Variants in SLC35F1 observed in about 807,000 individuals in gnomAD.
The protein encoded by SLC35F1 is chromosome 6 open reading frame 169.
SLC35F1 carries 14 observed loss-of-function variants against 48.7 expected under a neutral mutation model. The ratio of observed to expected loss-of-function variants is 0.29; its 90% confidence interval spans 0.19 to 0.45. The LOEUF (loss-of-function observed/expected upper bound fraction) is 0.45. Among genes scored for constraint, SLC35F1 ranks in the 20% least tolerant of loss-of-function variants. SLC35F1 has a pLI of 1.00. For synonymous variants in SLC35F1, 190 were observed against 202.2 expected (o/e 0.94, Z 0.51); for missense variants, 404 against 500.0 (o/e 0.81, Z 1.83).
chr6:118,135,105 T>C (rs908251301), intron 1 of SLC35F1, among the ~76,000 whole-genome samples: 2 of 152,186 alleles, frequency 1.3e-5, no homozygotes, highest in African/African-American at 4.8e-5. Flanking sequence ...TCTATACTTC[T>C]GAAATAAGGC....
chr6:118,110,590 G>A (rs987228288), intron 1 of SLC35F1, among the ~76,000 whole-genome samples: 1 of 152,184 alleles, frequency 6.6e-6, no homozygotes. Context: ...GGTCTTATAC[G>A]TTTAGGAATT....
intron 1 of SLC35F1, among the ~76,000 whole-genome samples, chr6:118,053,888 G>A (rs892905287): frequency 3.3e-5 from 5 of 152,050 alleles, no homozygotes; most frequent in African/African-American, 1.2e-4. Flanking sequence ...GATACATATT[G>A]CCATATTATT....
intron 3 of SLC35F1, among the ~76,000 whole-genome samples, chr6:118,239,080 C>A (rs1430908641): frequency 2.0e-5 from 3 of 151,664 alleles, no homozygotes; most frequent in African/African-American, 7.3e-5. Context: ...TCTCTCTCGT[C>A]TCCCGAGGTG....
chr6:118,157,320 A>G (rs1358308123), intron 2 of SLC35F1, among the ~76,000 whole-genome samples: 1 of 152,086 alleles, frequency 6.6e-6, no homozygotes, highest in Non-Finnish European at 1.5e-5. Flanking sequence ...GAATTTCAAA[A>G]CCCTGAATAG....
chr6:117,924,493 C>CATATATGTACAT, intron 1 of SLC35F1, among the ~76,000 whole-genome samples: 1 of 22,976 alleles, frequency 4.4e-5, no homozygotes, highest in African/African-American at 7.8e-5. Context: ...TACGTATATA[C>CATATATGTACAT]ATATGTATAT....
chr6:117,949,151 T>C (rs995451385), intron 1 of SLC35F1, among the ~76,000 whole-genome samples: 1 of 152,148 alleles, frequency 6.6e-6, no homozygotes, highest in Non-Finnish European at 1.5e-5. Flanking sequence ...ATGGAAAGAT[T>C]GAGTGGTTTT....
chr6:118,173,540 T>C (rs1324503557), intron 2 of SLC35F1, among the ~76,000 whole-genome samples: 1 of 152,140 alleles, frequency 6.6e-6, no homozygotes, highest in Non-Finnish European at 1.5e-5. Context: ...CTTCACCTAG[T>C]GCTGGGCATG....
At chr6:117,908,047 C>A in intron 1 of SLC35F1, 148 bp downstream of exon 1, 1 of 821,228 alleles carries the variant, frequency 1.2e-6, no homozygotes, top group Non-Finnish European at 1.6e-6. Flanking sequence ...CGACGCGCTC[C>A]GCGGGCGCAG....
intron 1 of SLC35F1, among the ~76,000 whole-genome samples, chr6:117,960,468 A>G (rs1241660677): frequency 1.3e-5 from 2 of 152,002 alleles, no homozygotes; most frequent in Non-Finnish European, 2.9e-5. Context: ...CTAAAGAATC[A>G]GGGGGAGGAT....
chr6:118,034,167 G>A (rs946173742), intron 1 of SLC35F1, among the ~76,000 whole-genome samples: 1 of 151,978 alleles, frequency 6.6e-6, no homozygotes, highest in Non-Finnish European at 1.5e-5. Flanking sequence ...AATATTTTAG[G>A]CTTTGTGGGC....
chr6:118,104,336 C>G (rs1446653481), intron 1 of SLC35F1, among the ~76,000 whole-genome samples: 2 of 152,114 alleles, frequency 1.3e-5, no homozygotes, highest in Non-Finnish European at 2.9e-5. Context: ...CATTTGTTAA[C>G]TACAAGATCC....
Position 118,314,329 on chromosome 6 carries a change from A to ATG in SLC35F1, c.*77_*78insTG. 2 of 1,328,820 alleles carry ATG rather than the reference A, an allele frequency of 1.5e-6. No individual in the cohort carries two copies. The highest frequency in any genetic ancestry group is 1.1e-6 in the Non-Finnish European group (1 of 939,124). 82.3% of individuals were successfully genotyped at this position (1,328,820 alleles called of 1,614,324 possible). On this transcript the variant is annotated 3_prime_UTR_variant, in exon 8 of 8. Transcript: ENST00000360388. ...CATCATCTCTGTATTGTACATAGAG[A>ATG]AAGGTATTTACTAGGTGCAGTTTAC...
At chr6:118,272,701 C>T (rs1006019062) in intron 4 of SLC35F1, among the ~76,000 whole-genome samples, 5 of 146,772 alleles carry the variant, frequency 3.4e-5, no homozygotes, top group African/African-American at 1.3e-4. Flanking sequence ...CTCATTAAAA[C>T]ATATTCTCCC....
chr6:118,248,991 A>C (rs1051881133), intron 3 of SLC35F1, among the ~76,000 whole-genome samples: 6 of 152,198 alleles, frequency 3.9e-5, no homozygotes, highest in African/African-American at 1.4e-4. Context: ...GCCCTTTACC[A>C]TGCACGCGAG....
Position 118,173,788 on chromosome 6 carries a change from C to T in SLC35F1, c.349+19168C>T, listed in dbSNP as rs148794365. On this transcript the variant is annotated intron_variant, in intron 2 of 7. Transcript: ENST00000360388. ...AGAAAGAGAGAGAATTCCATAGGTG[C>T]AGAAACCCTGGTACAGGACTGGAGA... Among the ~76,000 whole-genome samples the T allele has an allele frequency of 4.0e-4, 61 of 152,208 alleles. 1 individual carries two copies. In the East Asian group the frequency reaches 0.012, roughly 29 times the overall value.
chr6:117,923,700 C>CACATATACATATGTATATGT (rs1562238817), intron 1 of SLC35F1, among the ~76,000 whole-genome samples: 1 of 5,830 alleles, frequency 1.7e-4, no homozygotes, highest in Non-Finnish European at 3.4e-4. Flanking sequence ...TGTACATATA[C>CACATATACATATGTATATGT]ATATATGTAC....
intron 1 of SLC35F1, among the ~76,000 whole-genome samples, chr6:118,021,288 G>A (rs1582623275): frequency 6.6e-6 from 1 of 152,180 alleles, no homozygotes; most frequent in South Asian, 2.1e-4. Flanking sequence ...CCATGATGCT[G>A]TAGACTGGTA....
rs1015781962 is a variant in SLC35F1 at position 118,315,191 on chromosome 6, T to A, written c.*939T>A. 6 of 152,646 alleles carry A rather than the reference T, an allele frequency of 3.9e-5. No homozygotes were observed. Among genetic ancestry groups the A allele is most frequent in the Admixed American group, 2.0e-4 (3 of 15,290 alleles). 9.5% of individuals were successfully genotyped at this position (152,646 alleles called of 1,614,324 possible). ...AAGGCACTGGAAAAAGCCATGGTCC[T>A]CTGCCCTTTTAATTCTGTGACACCT... On this transcript the variant is annotated 3_prime_UTR_variant, in exon 8 of 8. Transcript: ENST00000360388.
At chr6:118,198,880 G>T (rs1774836358) in intron 2 of SLC35F1, among the ~76,000 whole-genome samples, 1 of 152,188 alleles carries the variant, frequency 6.6e-6, no homozygotes, top group South Asian at 2.1e-4. Context: ...AAACCCAGCT[G>T]TTAGAATGAA....
Sources: gnomAD v4.1 joint callset for allele counts (sites outside exome capture counted in the v4.1 genomes callset) on GRCh38, gnomAD v4.1.1 for gene constraint, MANE v1.5 for transcripts, NCBI Gene and HGNC (gene_info 2026-07-23, HGNC 2026-07-21) for gene names.